The following CEP290 variants were observed in gnomAD, a reference collection of about 807,000 sequenced individuals.
CEP290 encodes the protein centrosomal protein of 290 kDa.
In CEP290, 317 loss-of-function variants were observed where a neutral mutation model predicts 344.9. The ratio of observed to expected loss-of-function variants is 0.92; its 90% CI spans 0.84 to 1.01. The LOEUF (loss-of-function observed/expected upper bound fraction) is 1.01, where lower values mean the gene tolerates loss of function less well. Among genes scored for constraint, CEP290 ranks in the 50% least tolerant of loss-of-function variants. CEP290 has a pLI of 0.00. For missense variants in CEP290, 2,754 were observed against 2,761.4 expected (o/e 1.00, Z 0.06); for synonymous variants, 932 against 895.8 (o/e 1.04, Z -0.72).
chr12:88,111,430 T>C (rs1200818914), intron 21 of CEP290, 79 bp from the exon 22 acceptor site: 1 of 1,334,282 alleles, frequency 7.5e-7, no homozygotes, highest in African/African-American at 1.5e-5. Flanking sequence ...GTGAATGCCC[T>C]GCCAGGAATT....
intron 19 of CEP290, 102 bp from the exon 20 acceptor site, chr12:88,114,664 G>A: frequency 1.0e-5 from 10 of 972,808 alleles, no homozygotes; most frequent in South Asian, 4.1e-5. Context: ...AGACATCATT[G>A]GAAAAATCCA....
intron 3 of CEP290, among the ~76,000 whole-genome samples, chr12:88,139,892 C>CGTGCCATCATGCTTGGT (rs1176711978): frequency 3.9e-5 from 6 of 151,902 alleles, no homozygotes; most frequent in South Asian, 2.1e-4. Context: ...TCATGCTTGG[C>CGTGCCATCATGCTTGGT]GTGCCATCAT....
At chr12:88,102,509 G>GT (rs1184914756) in intron 26 of CEP290, among the ~76,000 whole-genome samples, 22 of 152,054 alleles carry the variant, frequency 1.4e-4, no homozygotes, top group Non-Finnish European at 3.2e-4. Flanking sequence ...TATTCTACCT[G>GT]TTTCATGCTC....
chr12:88,118,571 C>G lies in CEP290; in HGVS notation c.1624-1G>C, dbSNP rs750987364. 6.2e-7 allele frequency: 1 copy of G among 1,602,286 alleles called. No individual in the cohort carries two copies. Among genetic ancestry groups the G allele is most frequent in the Non-Finnish European group, 8.5e-7 (1 of 1,172,994 alleles). ...GTCGTTCTTCCTCTAGACTTTCAATCTGCAAAGTATAAATTATTAGTATTT... is the reference window on the plus strand; with the variant it reads ...GTCGTTCTTCCTCTAGACTTTCAATGTGCAAAGTATAAATTATTAGTATTT... On this transcript the variant is annotated splice_acceptor_variant, in intron 16 of 53. Coordinates refer to ENST00000552810, the MANE Select transcript of CEP290 (RefSeq NM_025114.4). LOFTEE classifies it high-confidence loss of function.
At chr12:88,065,033 G>GT (rs1246285795) in intron 44 of CEP290, among the ~76,000 whole-genome samples, 1 of 151,656 alleles carries the variant, frequency 6.6e-6, no homozygotes, top group African/African-American at 2.4e-5. Flanking sequence ...TATTTATGTT[G>GT]TTACTTCTCA....
At position 88,090,607 on chromosome 12, in the gene CEP290, G is replaced by A. The variant is rs1047934674; in HGVS notation, c.3573+121C>T. The A allele has an allele frequency of 9.1e-6, 6 of 659,594 alleles. No individual in the cohort carries two copies. The African/African-American group carries it at 9.4e-5, about 10-fold the overall frequency. 40.9% of individuals were successfully genotyped at this position (659,594 alleles called of 1,614,324 possible). ...AATGTACCACTGCACTCCACCCTGG[G>A]CAACAGAATGAGACCCTATCTCGAA... On this transcript the variant is annotated intron_variant, in intron 30 of 53. Coordinates refer to ENST00000552810, the MANE Select transcript of CEP290 (RefSeq NM_025114.4).
rs1489213326 is a variant in CEP290, at chr12:88,077,930, A to C, written c.5365-12T>G. ...TCTTCAACTTGTGTCTAATAAGAGA[A>C]AAAGAAAGGTATTATTCATGACTCT... On this transcript the variant is annotated splice_polypyrimidine_tract_variant and intron_variant, in intron 39 of 53. Coordinates refer to ENST00000552810, the MANE Select transcript of CEP290 (RefSeq NM_025114.4). 1 of 1,146,594 alleles carries C rather than the reference A, an allele frequency of 8.7e-7. No homozygotes were observed. Among genetic ancestry groups the C allele is most frequent in the Non-Finnish European group, 1.2e-6 (1 of 811,090 alleles). The allele number at this position is 1,146,594 out of a possible 1,614,324, so 71.0% of individuals were successfully genotyped here.
chr12:88,083,196 G>T lies in CEP290; in HGVS notation c.4847C>A (p.Thr1616Asn). The change falls in exon 37 of 54, where the codon ACC (threonine) becomes AAC (asparagine). Residue 1616 changes from threonine to asparagine, a missense_variant. Physicochemically the swap from Thr to Asn is moderately conservative, Grantham distance 65 (BLOSUM62 0). Transcript: ENST00000552810. Reference sequence around the variant, plus strand: ...AGCCAGACGAATAAAATGCTTGTTGGTAGGAACTGGAGTGGGAGACTGTTT... The same window carrying T: ...AGCCAGACGAATAAAATGCTTGTTGTTAGGAACTGGAGTGGGAGACTGTTT... ...LMKQSPTPVP[T>N]NKHFIRLAEM... The T allele has an allele frequency of 1.3e-6, 2 of 1,524,712 alleles. No homozygotes were observed. The highest frequency in any genetic ancestry group is 1.8e-6 in the Non-Finnish European group (2 of 1,139,540). The allele number at this position is 1,524,712 out of a possible 1,614,324, so 94.4% of individuals were successfully genotyped here.
intron 5 of CEP290, among the ~76,000 whole-genome samples, chr12:88,137,276 T>G: frequency 6.6e-6 from 1 of 152,220 alleles, no homozygotes; most frequent in Non-Finnish European, 1.5e-5. Flanking sequence ...TACATGTAGC[T>G]ATGTTCGGGC....
In CEP290 at chr12:88,120,075, T is replaced by C. The variant is rs981019206; in HGVS notation, c.1522+39A>G. ...TAAATTAAAAAAAAAGACTTGTAAA[T>C]CAGGTTGCGCAAACTATGTAACTTA... is the stretch of plus-strand genomic sequence containing the variant. On this transcript the variant is annotated intron_variant, in intron 15 of 53. Coordinates refer to ENST00000552810, the MANE Select transcript of CEP290 (RefSeq NM_025114.4). The C allele has an allele frequency of 2.3e-6, 3 of 1,321,232 alleles. No individual in the cohort carries two copies. In the African/African-American group the frequency reaches 4.6e-5, roughly 20 times the overall value. 81.8% of individuals were successfully genotyped at this position (1,321,232 alleles called of 1,614,324 possible). A position where few individuals can be genotyped will look rare whatever the true frequency, so the allele number is the denominator to read the frequency against.
chr12:88,080,932 G>A (rs972509512), intron 37 of CEP290, among the ~76,000 whole-genome samples: 2 of 151,906 alleles, frequency 1.3e-5, no homozygotes, highest in African/African-American at 4.8e-5. Flanking sequence ...TAATATTTTT[G>A]GCAACAATCT....
intron 1 of CEP290, among the ~76,000 whole-genome samples, chr12:88,141,655 G>T (rs1006626000): frequency 6.6e-6 from 1 of 152,106 alleles, no homozygotes; most frequent in Non-Finnish European, 1.5e-5. Flanking sequence ...TGGCAAGCGC[G>T]AGGGTCTGTG....
At chr12:88,123,043 C>T (rs1371306476) in intron 13 of CEP290, among the ~76,000 whole-genome samples, 3 of 152,040 alleles carry the variant, frequency 2.0e-5, no homozygotes, top group African/African-American at 7.2e-5. Flanking sequence ...CCACCTACAT[C>T]GATATCTATA....
intron 23 of CEP290, among the ~76,000 whole-genome samples, chr12:88,108,657 A>G (rs1272945800): frequency 6.6e-6 from 1 of 152,230 alleles, no homozygotes; most frequent in East Asian, 1.9e-4. Flanking sequence ...GATGCTAACA[A>G]CAGCTAACAT....
chr12:88,062,804 A>G (rs1377025808), intron 45 of CEP290, 26 bp from the exon 46 acceptor site: 3 of 1,353,944 alleles, frequency 2.2e-6, no homozygotes, highest in Non-Finnish European at 3.1e-6. Flanking sequence ...CAAACATGTA[A>G]TAATTTAACA....
chr12:88,126,120 T>C (rs2039712788), intron 12 of CEP290, among the ~76,000 whole-genome samples, 196 bp downstream of exon 12: 1 of 152,076 alleles, frequency 6.6e-6, no homozygotes, highest in Non-Finnish European at 1.5e-5. Context: ...TAGTTCTAAG[T>C]CTAATCCGTG....
At chr12:88,102,737 T>C in intron 26 of CEP290, 101 bp downstream of exon 26, 1 of 838,762 alleles carries the variant, frequency 1.2e-6, no homozygotes, top group South Asian at 1.8e-5. Context: ...TTTATATAAA[T>C]GCAGGCAAAC....
At chr12:88,100,825 A>C (rs980307190) in intron 26 of CEP290, among the ~76,000 whole-genome samples, 1 of 152,234 alleles carries the variant, frequency 6.6e-6, no homozygotes, top group African/African-American at 2.4e-5. Flanking sequence ...AAATTCACTG[A>C]GCAAAACAAC....
chr12:88,113,380 G>A (rs972218432), intron 20 of CEP290, among the ~76,000 whole-genome samples: 1 of 152,024 alleles, frequency 6.6e-6, no homozygotes, highest in Non-Finnish European at 1.5e-5. Flanking sequence ...TCACCAATCA[G>A]AGAAGGAAAG....
Sources: gnomAD v4.1 joint callset for allele counts (sites outside exome capture counted in the v4.1 genomes callset) on GRCh38, gnomAD v4.1.1 for gene constraint, MANE v1.5 for transcripts, NCBI Gene and HGNC (gene_info 2026-07-23, HGNC 2026-07-21) for gene names.